The following ZNF385D variants were observed in gnomAD, a reference collection of about 807,000 sequenced individuals.
The protein encoded by ZNF385D is zinc finger protein 659.
Under a neutral mutation model 35.8 loss-of-function variants are expected in ZNF385D, and 15 were observed. That is an observed-to-expected ratio of 0.42 (90% CI 0.28 to 0.64). The LOEUF is 0.64. ZNF385D is among the 30% of genes least tolerant of loss of function. ZNF385D has a pLI of 0.23. For missense variants in ZNF385D, 474 were observed against 494.6 expected, an observed-to-expected ratio of 0.96 and a Z score of 0.39; for synonymous variants, 212 against 186.8, an observed-to-expected ratio of 1.13 and a Z score of -1.10.
chr3:22,288,084 T>C (rs957629069), intron 2 of ZNF385D, among the ~76,000 whole-genome samples: 4 of 152,042 alleles, frequency 2.6e-5, no homozygotes, highest in Non-Finnish European at 4.4e-5. Flanking sequence ...ATCAAACCAC[T>C]TCTTTATGAT....
chr3:22,057,070 A>G (rs1699441066), intron 3 of ZNF385D, among the ~76,000 whole-genome samples: 2 of 152,232 alleles, frequency 1.3e-5, no homozygotes, highest in African/African-American at 2.4e-5. Context: ...TATTGAAACT[A>G]ATAATTTAAC....
rs1162409019 is a variant in ZNF385D at position 22,156,605 on chromosome 3, ATG to A, written c.325+12210_325+12211del. 5.3e-5 allele frequency among the ~76,000 whole-genome samples: 8 copies of A among 152,126 alleles called. No homozygotes were observed. The East Asian group carries it at 5.8e-4, about 11-fold the overall frequency. ...CTGGCAATTAGTTTTCCCCCAGTAC[ATG>A]TTAGAATACAAACAGATGGTCATGA... On this transcript the variant is annotated intron_variant, in intron 3 of 5. Transcript: ENST00000494108.
chr3:22,355,387 T>C (rs1252523658), intron 2 of ZNF385D, among the ~76,000 whole-genome samples: 1 of 152,062 alleles, frequency 6.6e-6, no homozygotes, highest in Non-Finnish European at 1.5e-5. Flanking sequence ...TCACACATAT[T>C]CTTTCTAACA....
At chr3:21,620,178 A>G (rs550197151) in intron 2 of ZNF385D, among the ~76,000 whole-genome samples, 2 of 152,308 alleles carry the variant, frequency 1.3e-5, no homozygotes, top group Admixed American at 6.5e-5. Context: ...TACACCAGAA[A>G]TAGTCAGCGA....
At chr3:21,470,804 G>A (rs554206596) in intron 4 of ZNF385D, among the ~76,000 whole-genome samples, 4 of 152,114 alleles carry the variant, frequency 2.6e-5, no homozygotes, top group African/African-American at 9.6e-5. Flanking sequence ...TCTTTTTGTA[G>A]TGTAATTGGT....
intron 2 of ZNF385D, among the ~76,000 whole-genome samples, chr3:22,215,851 A>G (rs1479706529): frequency 6.6e-6 from 1 of 151,994 alleles, no homozygotes; most frequent in Non-Finnish European, 1.5e-5. Context: ...TGTCTCCCCT[A>G]GACACCCAGC....
chr3:22,300,113 T>C (rs568944194), intron 2 of ZNF385D, among the ~76,000 whole-genome samples: 1 of 151,954 alleles, frequency 6.6e-6, no homozygotes, highest in Non-Finnish European at 1.5e-5. Flanking sequence ...AACCAACACA[T>C]AGACCAATGG....
chr3:22,274,373 T>G (rs1701322902), intron 2 of ZNF385D, among the ~76,000 whole-genome samples: 1 of 151,996 alleles, frequency 6.6e-6, no homozygotes, highest in South Asian at 2.1e-4. Flanking sequence ...ATAATCTATA[T>G]GGATGACAAA....
chr3:22,359,623 T>C (rs988905320), intron 2 of ZNF385D, among the ~76,000 whole-genome samples: 1 of 151,808 alleles, frequency 6.6e-6, no homozygotes, highest in Non-Finnish European at 1.5e-5. Context: ...TGTACAGAAA[T>C]AGTTAAACTC....
chr3:22,010,656 A>T (rs769382922), intron 3 of ZNF385D, among the ~76,000 whole-genome samples: 1 of 152,286 alleles, frequency 6.6e-6, no homozygotes, highest in South Asian at 2.1e-4. Flanking sequence ...ACCTAATACT[A>T]CAAAAACAGT....
intron 2 of ZNF385D, among the ~76,000 whole-genome samples, chr3:21,603,494 C>T (rs2064380565): frequency 6.6e-6 from 1 of 152,114 alleles, no homozygotes; most frequent in African/African-American, 2.4e-5. Context: ...ATATTGGTTA[C>T]ATAAGTTATG....
intron 2 of ZNF385D, among the ~76,000 whole-genome samples, chr3:22,294,818 T>C (rs546888482): frequency 6.6e-6 from 1 of 152,304 alleles, no homozygotes; most frequent in South Asian, 2.1e-4. Context: ...TTTTGCATTT[T>C]ATAACAAAGT....
At chr3:21,996,150 G>A (rs182865514) in intron 3 of ZNF385D, among the ~76,000 whole-genome samples, 1 of 152,174 alleles carries the variant, frequency 6.6e-6, no homozygotes, top group East Asian at 1.9e-4. Context: ...GCGTGTGTAT[G>A]GGACCCAGCA....
chr3:21,923,973 A>C (rs1295003319), intron 3 of ZNF385D, among the ~76,000 whole-genome samples: 2 of 152,204 alleles, frequency 1.3e-5, no homozygotes, highest in Non-Finnish European at 2.9e-5. Context: ...TCCTGGAATA[A>C]AATAAAGTAA....
intron 3 of ZNF385D, among the ~76,000 whole-genome samples, chr3:21,841,438 T>TA (rs11430776): frequency 0.21 from 32,438 of 151,760 alleles, 3,646 homozygotes; most frequent in Admixed American, 0.26. Context: ...CATTTCATTT[T>TA]AAAAAAAGTC....
chr3:21,907,915 T>A (rs938350261), intron 3 of ZNF385D, among the ~76,000 whole-genome samples: 8 of 151,960 alleles, frequency 5.3e-5, no homozygotes, highest in Non-Finnish European at 1.2e-4. Flanking sequence ...CTATTAGAAA[T>A]AGGCCCAGAA....
chr3:21,883,299 T>A (rs981470170), intron 3 of ZNF385D, among the ~76,000 whole-genome samples: 17 of 152,030 alleles, frequency 1.1e-4, no homozygotes, highest in East Asian at 3.9e-4. Context: ...TAATATTTTT[T>A]AAAATAATTT....
intron 3 of ZNF385D, among the ~76,000 whole-genome samples, chr3:21,866,318 G>C (rs1697357963): frequency 1.3e-5 from 2 of 152,050 alleles, no homozygotes; most frequent in Non-Finnish European, 2.9e-5. Flanking sequence ...GCTGGGCATG[G>C]TGGCGTGCAC....
At chr3:21,876,742 G>C (rs1346984437) in intron 3 of ZNF385D, among the ~76,000 whole-genome samples, 1 of 151,162 alleles carries the variant, frequency 6.6e-6, no homozygotes, top group African/African-American at 2.4e-5. Context: ...CAATTTTCCT[G>C]TTTTGTAGTA....
Sources: gnomAD v4.1 joint callset for allele counts (sites outside exome capture counted in the v4.1 genomes callset) on GRCh38, gnomAD v4.1.1 for gene constraint, MANE v1.5 for transcripts, NCBI Gene and HGNC (gene_info 2026-07-23, HGNC 2026-07-21) for gene names.